Variants in NOC3L observed in about 807,000 individuals in gnomAD.
NOC3L encodes the protein nucleolar complex protein 3 homolog.
A neutral mutation model predicts 102.5 loss-of-function variants in NOC3L; 85 were observed. The ratio of observed to expected loss-of-function variants is 0.83; its 90% confidence interval spans 0.70 to 0.99. The LOEUF (loss-of-function observed/expected upper bound fraction) is 0.99, where lower values mean the gene tolerates loss of function less well. Among genes scored for constraint, NOC3L ranks in the 50% least tolerant of loss-of-function variants. The pLI is 0.00. For synonymous variants in NOC3L, 303 were observed against 309.4 expected, an observed-to-expected ratio of 0.98 and a Z score of 0.22; for missense variants, 878 against 914.9, an observed-to-expected ratio of 0.96 and a Z score of 0.52.
the NOC3L span, chr10:94,324,225 TGATCTGGAA>T: frequency 1.0e-5 from 8 of 798,208 alleles, no homozygotes; most frequent in Non-Finnish European, 1.6e-5. Flanking sequence ...TTGGATGAAA[TGATCTGGAA>T]GATCCCCTTC....
intron 2 of NOC3L, among the ~76,000 whole-genome samples, chr10:94,360,477 A>C (rs2134015384): frequency 6.6e-6 from 1 of 152,324 alleles, no homozygotes; most frequent in East Asian, 1.9e-4. Flanking sequence ...GACAAATTTC[A>C]CATGTTCTCA....
chr10:94,338,720 T>A lies in NOC3L; in HGVS notation c.1979A>T (p.Asp660Val), dbSNP rs1361142161. ...CTGAGATTCACTGTCAAGCAGTAGATCTGTTTTGGGGAAAGTCTGCAAAAA... is the reference window on the plus strand; with the variant it reads ...CTGAGATTCACTGTCAAGCAGTAGAACTGTTTTGGGGAAAGTCTGCAAAAA... ...RILMHTFPKT[D>V]LLLDSESQGS... The change falls in exon 18 of 21, where the codon GAT becomes GTT. Residue 660 changes from aspartate (D) to valine (V), a missense_variant. Asp to Val is a radical substitution (Grantham distance 152). Coordinates refer to ENST00000371361, the MANE Select transcript of NOC3L (RefSeq NM_022451.11). 6.2e-7 allele frequency: 1 copy of A among 1,613,136 alleles called. No homozygotes were observed. The highest frequency in any genetic ancestry group is 1.7e-5 in the Admixed American group (1 of 59,832).
intron 17 of NOC3L, 81 bp from the exon 18 acceptor site, chr10:94,338,817 G>T: frequency 1.6e-6 from 2 of 1,228,768 alleles, no homozygotes; most frequent in Non-Finnish European, 2.2e-6. Context: ...AGTTGTATTT[G>T]CATTTAAATT....
chr10:94,347,475 G>A (rs2054358241), intron 10 of NOC3L, among the ~76,000 whole-genome samples: 1 of 152,100 alleles, frequency 6.6e-6, no homozygotes, highest in South Asian at 2.1e-4. Context: ...TTTTCCTATG[G>A]CTGAGTTTCA....
intron 8 of NOC3L, among the ~76,000 whole-genome samples, chr10:94,351,987 T>C (rs558763403): frequency 3.9e-5 from 6 of 152,308 alleles, no homozygotes; most frequent in African/African-American, 9.6e-5. Context: ...ATTGATAAAA[T>C]ATAGTGTATA....
At chr10:94,345,829 G>A (rs1429286594) in intron 11 of NOC3L, among the ~76,000 whole-genome samples, 1 of 152,040 alleles carries the variant, frequency 6.6e-6, no homozygotes, top group African/African-American at 2.4e-5. Flanking sequence ...TCTGAGATGT[G>A]ATGATAACAA....
In NOC3L at chr10:94,357,317, G is replaced by A. The variant is rs116919128; in HGVS notation, c.365C>T (p.Ala122Val). The change falls in exon 4 of 21, where the codon GCG (alanine) becomes GTG (valine). Residue 122 changes from alanine (A) to valine (V), a missense_variant. Ala to Val is a moderately conservative substitution (Grantham distance 64, BLOSUM62 0). Coordinates refer to ENST00000371361, the MANE Select transcript of NOC3L (RefSeq NM_022451.11). ...AATGCGTTCATGCTTCCGTTTCTTC[G>A]CATGAACAGGCTCACTGCAGGGGAA... ...RDLSSSEPVH[A>V]KKRKHERIID... 1.1e-3 allele frequency: 1,809 copies of A among 1,593,128 alleles called. 57 individuals carry two copies. The East Asian group carries it at 0.039, about 34-fold the overall frequency.
intron 3 of NOC3L, chr10:94,357,831 C>T (rs184685571): frequency 7.8e-5 from 35 of 446,658 alleles, no homozygotes; most frequent in South Asian, 2.0e-4. Context: ...GCCACTACCT[C>T]AAAGTGAGAA....
chr10:94,324,716 T>C, the NOC3L span: 119 of 982,702 alleles, frequency 1.2e-4, no homozygotes, highest in Non-Finnish European at 1.7e-4. Flanking sequence ...TTGTTTTCAC[T>C]GTGTGAAAAA....
At chr10:94,348,116 T>C (rs2054367607) in intron 10 of NOC3L, among the ~76,000 whole-genome samples, 1 of 149,754 alleles carries the variant, frequency 6.7e-6, no homozygotes, top group South Asian at 2.1e-4. Flanking sequence ...TTATATCAAA[T>C]ATATACATAA....
At chr10:94,349,999 C>T (rs2134000578) in intron 9 of NOC3L, 114 bp downstream of exon 9, 2 of 889,284 alleles carry the variant, frequency 2.2e-6, no homozygotes, top group East Asian at 5.1e-5. Context: ...ACCTCGTGAT[C>T]TGCCTGCCTC....
the NOC3L span, chr10:94,316,790 G>A: frequency 2.2e-4 from 326 of 1,473,504 alleles, no homozygotes; most frequent in East Asian, 6.1e-3. Flanking sequence ...ACACAGTAAC[G>A]ACTCATTATG....
At position 94,339,799 on chromosome 10, in the gene NOC3L, A is replaced by T; in HGVS notation, c.1902T>A (p.Ala634=). 6.2e-7 allele frequency: 1 copy of T among 1,614,196 alleles called. No homozygotes were observed. Among genetic ancestry groups the T allele is most frequent in the Non-Finnish European group, 8.5e-7 (1 of 1,180,022 alleles). ...TACTTGAATTTGGAAGAACATGAAG[A>T]GCAAGGGTACAAAGGCGTTTGATGA... The part of the protein sequence containing the change: ...LAFIKRLCTL[A]LHVLPNSSIG... The change falls in exon 17 of 21, where the codon GCT becomes GCA. Residue 634 remains alanine, a synonymous_variant. Transcript: ENST00000371361.
intron 6 of NOC3L, 62 bp downstream of exon 6, chr10:94,354,901 T>G (rs550207559): frequency 1.7e-5 from 26 of 1,525,066 alleles, no homozygotes; most frequent in Non-Finnish European, 2.1e-5. Context: ...AAGGGAATCT[T>G]AACAATTAGG....
At chr10:94,353,115 A>C in intron 6 of NOC3L, 58 bp from the exon 7 acceptor site, 1 of 1,412,336 alleles carries the variant, frequency 7.1e-7, no homozygotes, top group Non-Finnish European at 9.7e-7. Flanking sequence ...TTATGAACAA[A>C]AGACAACAGC....
At chr10:94,334,378 G>GA in intron 20 of NOC3L, 73 bp from the exon 21 acceptor site, 2 of 950,650 alleles carry the variant, frequency 2.1e-6, no homozygotes, top group Non-Finnish European at 3.2e-6. Flanking sequence ...GAACCAAGTT[G>GA]AAAATGGCAA....
intron 13 of NOC3L, among the ~76,000 whole-genome samples, chr10:94,342,662 AT>A: frequency 6.6e-6 from 1 of 151,338 alleles, no homozygotes; most frequent in East Asian, 1.9e-4. Context: ...AGCACTATAA[AT>A]TTTTTAAAAA....
downstream of NOC3L, chr10:94,331,512 G>C (rs1311126997): frequency 6.6e-6 from 1 of 152,170 alleles, no homozygotes; most frequent in African/African-American, 2.4e-5. Context: ...AAGAAGAGTA[G>C]GATTTTCCTG....
At chr10:94,334,381 AAT>A in intron 20 of NOC3L, 76 bp from the exon 21 acceptor site, 1 of 913,842 alleles carries the variant, frequency 1.1e-6, no homozygotes, top group South Asian at 1.5e-5. Flanking sequence ...CCAAGTTGAA[AAT>A]GGCAACAGCT....
Sources: allele counts gnomAD v4.1 joint callset (sites outside exome capture counted in the v4.1 genomes callset), GRCh38; gene constraint gnomAD v4.1.1; transcripts MANE v1.5; gene names NCBI Gene and HGNC (gene_info 2026-07-23, HGNC 2026-07-21).